Variants in APPBP2 observed in about 807,000 individuals in gnomAD.
APPBP2 encodes amyloid beta precursor protein binding protein 2, also known as amyloid protein-binding protein 2.
Under a neutral mutation model 76.0 loss-of-function variants are expected in APPBP2, and 15 were observed. That is an observed-to-expected ratio of 0.20 (90% CI 0.13 to 0.30). The LOEUF (loss-of-function observed/expected upper bound fraction) is 0.30, where lower values mean the gene tolerates loss of function less well. Ranked by LOEUF, APPBP2 falls within the 10% of genes least tolerant of loss-of-function variation. The pLI, the probability that APPBP2 is intolerant of heterozygous loss-of-function variation, is 1.00. For synonymous variants in APPBP2, 222 were observed against 242.2 expected (o/e 0.92, Z 0.77); for missense variants, 401 against 687.2 (o/e 0.58, Z 4.66).
At chr17:60,501,982 G>A (rs2090826949) in intron 1 of APPBP2, among the ~76,000 whole-genome samples, 1 of 152,200 alleles carries the variant, frequency 6.6e-6, no homozygotes, top group African/African-American at 2.4e-5. Context: ...AGGCAGAAAT[G>A]TTATCTTCAT....
Position 60,503,734 on chromosome 17 carries a change from A to G in APPBP2, c.139-3247T>C, listed in dbSNP as rs1463474537. 3.4e-5 allele frequency among the ~76,000 whole-genome samples: 5 copies of G among 146,882 alleles called. 2 individuals carry two copies. Among genetic ancestry groups the G allele is most frequent in the African/African-American group, 1.1e-4 (4 of 36,332 alleles). On this transcript the variant is annotated intron_variant, in intron 1 of 12. Coordinates refer to ENST00000083182, the MANE Select transcript of APPBP2 (RefSeq NM_006380.5). Reference sequence around the variant, plus strand: ...TAAAGGGGTTTTTGGATACCAATCCAGAAAAAAAATAACTTCTAATCTTTT... The same window carrying G: ...TAAAGGGGTTTTTGGATACCAATCCGGAAAAAAAATAACTTCTAATCTTTT...
At chr17:60,516,558 C>A (rs912424855) in intron 1 of APPBP2, among the ~76,000 whole-genome samples, 2 of 152,130 alleles carry the variant, frequency 1.3e-5, no homozygotes, top group African/African-American at 2.4e-5. Flanking sequence ...AGTTGTTGTT[C>A]ATTCATTTTC....
chr17:60,515,674 C>T (rs781666267), intron 1 of APPBP2, among the ~76,000 whole-genome samples: 1 of 152,144 alleles, frequency 6.6e-6, no homozygotes, highest in Non-Finnish European at 1.5e-5. Flanking sequence ...ATTATACATC[C>T]AGTTTCCAAA....
intron 4 of APPBP2, among the ~76,000 whole-genome samples, chr17:60,474,621 G>A (rs2090576275): frequency 1.3e-5 from 2 of 152,276 alleles, no homozygotes; most frequent in Admixed American, 6.5e-5. Context: ...TATTTGAAAT[G>A]TTTGGGACCA....
intron 12 of APPBP2, among the ~76,000 whole-genome samples, chr17:60,449,803 A>G (rs2090378300): frequency 6.6e-6 from 1 of 152,020 alleles, no homozygotes; most frequent in East Asian, 1.9e-4. Flanking sequence ...AAAGATTTCC[A>G]TATTTTTTTT....
chr17:60,510,022 A>G (rs2090899359), intron 1 of APPBP2, among the ~76,000 whole-genome samples: 2 of 152,144 alleles, frequency 1.3e-5, no homozygotes, highest in African/African-American at 4.8e-5. Context: ...TGTATCCTTT[A>G]CCTCTAACAT....
chr17:60,487,111 C>A (rs916129227), intron 3 of APPBP2, among the ~76,000 whole-genome samples: 1 of 152,120 alleles, frequency 6.6e-6, no homozygotes, highest in Non-Finnish European at 1.5e-5. Flanking sequence ...ACCTTTCTTT[C>A]TGGCTGCTCT....
intron 5 of APPBP2, among the ~76,000 whole-genome samples, 168 bp downstream of exon 5, chr17:60,466,123 G>GT (rs2090508949): frequency 6.6e-6 from 1 of 152,168 alleles, no homozygotes; most frequent in South Asian, 2.1e-4. Context: ...ATGAGCCACA[G>GT]TGCTCGGCTT....
At position 60,511,338 on chromosome 17, in the gene APPBP2, G is replaced by A. The variant is rs528253471; in HGVS notation, c.139-10851C>T. Among the ~76,000 whole-genome samples, 24 of 152,198 alleles carry A rather than the reference G, an allele frequency of 1.6e-4. No individual in the cohort carries two copies. In the South Asian group the frequency reaches 5.0e-3, roughly 32 times the overall value. ...GCGGTGGCTCACGCCTGTAATCCCA[G>A]CACTCTGGGAAGCCGAGGTGGGTGG... is the stretch of plus-strand genomic sequence containing the variant. On this transcript the variant is annotated intron_variant, in intron 1 of 12. Coordinates refer to ENST00000083182, the MANE Select transcript of APPBP2 (RefSeq NM_006380.5).
chr17:60,511,368 T>C (rs1347555721), intron 1 of APPBP2, among the ~76,000 whole-genome samples: 2 of 152,020 alleles, frequency 1.3e-5, no homozygotes, highest in African/African-American at 2.4e-5. Flanking sequence ...GGGTGGATCA[T>C]GAGGTCAGGA....
At chr17:60,525,372 G>A (rs931544265) in intron 1 of APPBP2, among the ~76,000 whole-genome samples, 5 of 152,236 alleles carry the variant, frequency 3.3e-5, no homozygotes, top group African/African-American at 9.6e-5. Flanking sequence ...GGCGAGATGA[G>A]AAAGTAGGAA....
intron 6 of APPBP2, 197 bp from the exon 7 acceptor site, chr17:60,462,258 G>T (rs1377981601): frequency 1.9e-6 from 1 of 513,254 alleles, no homozygotes; most frequent in Non-Finnish European, 3.4e-6. Context: ...TATAAGCTGG[G>T]AAAATTATAA....
intron 12 of APPBP2, among the ~76,000 whole-genome samples, chr17:60,448,679 G>T (rs1051419643): frequency 6.6e-5 from 10 of 152,128 alleles, no homozygotes; most frequent in Admixed American, 2.0e-4. Context: ...ATGGTATATT[G>T]TTAAGATTGA....
Position 60,460,943 on chromosome 17 carries a change from T to C in APPBP2, c.937-156A>G, listed in dbSNP as rs781028028. Reference sequence around the variant, plus strand: ...GTATTTAAATTACAGAACATGAAAGTCACCTAGAAGTCCTGAATTTCTGAA... The same window carrying C: ...GTATTTAAATTACAGAACATGAAAGCCACCTAGAAGTCCTGAATTTCTGAA... On this transcript the variant is annotated intron_variant, in intron 8 of 12. Transcript: ENST00000083182. 8.8e-5 allele frequency: 52 copies of C among 593,552 alleles called. 1 individual carries two copies. The highest frequency in any genetic ancestry group is 1.5e-4 in the South Asian group (3 of 20,658). The allele number at this position is 593,552 out of a possible 1,614,324, so 36.8% of individuals were successfully genotyped here. A position where few individuals can be genotyped will look rare whatever the true frequency, so the allele number is the denominator to read the frequency against.
chr17:60,456,806 G>A (rs1051284284), intron 9 of APPBP2, among the ~76,000 whole-genome samples: 6 of 151,990 alleles, frequency 3.9e-5, no homozygotes, highest in Admixed American at 3.9e-4. Context: ...CGCTCCTCAG[G>A]TCTTTCCAGA....
chr17:60,505,716 C>G (rs1232107781), intron 1 of APPBP2, among the ~76,000 whole-genome samples: 1 of 89,786 alleles, frequency 1.1e-5, no homozygotes, highest in African/African-American at 5.3e-5. Flanking sequence ...GATGGAGTTT[C>G]ACTCTTGTTG....
intron 10 of APPBP2, among the ~76,000 whole-genome samples, chr17:60,454,940 C>T (rs2090421434): frequency 6.6e-6 from 1 of 152,164 alleles, no homozygotes; most frequent in Admixed American, 6.5e-5. Context: ...TCCTCCTACT[C>T]ATCTGACCAA....
intron 4 of APPBP2, among the ~76,000 whole-genome samples, chr17:60,478,233 TA>T (rs1196178634): frequency 5.9e-5 from 9 of 152,018 alleles, no homozygotes; most frequent in Admixed American, 4.6e-4. Flanking sequence ...TAGTTTTATA[TA>T]AAAAAATACT....
chr17:60,471,942 A>G (rs187111961), intron 4 of APPBP2, among the ~76,000 whole-genome samples: 6 of 152,274 alleles, frequency 3.9e-5, no homozygotes, highest in African/African-American at 1.4e-4. Context: ...CCTGGCCAAC[A>G]TGGCAAAACC....
Sources: gnomAD v4.1 joint callset for allele counts (sites outside exome capture counted in the v4.1 genomes callset) on GRCh38, gnomAD v4.1.1 for gene constraint, MANE v1.5 for transcripts, NCBI Gene and HGNC (gene_info 2026-07-23, HGNC 2026-07-21) for gene names.